Variants in CSMD1 observed in about 807,000 individuals in gnomAD.
The protein encoded by CSMD1 is CUB and sushi domain-containing protein 1.
Under a neutral mutation model 417.5 loss-of-function variants are expected in CSMD1, and 213 were observed. The ratio of observed to expected loss-of-function variants is 0.51; its 90% CI spans 0.46 to 0.57. CSMD1 has a LOEUF of 0.57. CSMD1 is among the 20% of genes least tolerant of loss of function. The probability of loss-of-function intolerance (pLI) is 0.00; values close to 1 mark genes in which losing one functional copy is unlikely to be tolerated. For missense variants in CSMD1, 6,923 were observed against 4,529.7 expected (o/e 1.53, Z -15.17); for synonymous variants, 2,862 against 1,736.8 (o/e 1.65, Z -16.11).
intron 3 of CSMD1, among the ~76,000 whole-genome samples, chr8:4,179,526 T>C (rs62501144): frequency 0.046 from 6,866 of 149,724 alleles, 240 homozygotes; most frequent in Middle Eastern, 0.13. Context: ...GGGCAAAGAC[T>C]TCATGTCTAA....
chr8:3,109,340 T>A (rs1816352466), intron 43 of CSMD1, among the ~76,000 whole-genome samples: 1 of 152,174 alleles, frequency 6.6e-6, no homozygotes, highest in Non-Finnish European at 1.5e-5. Flanking sequence ...TGGAGCTTAA[T>A]CTATGGGGCA....
At chr8:3,268,535 C>A (rs1036185126) in intron 26 of CSMD1, among the ~76,000 whole-genome samples, 1 of 152,018 alleles carries the variant, frequency 6.6e-6, no homozygotes, top group Non-Finnish European at 1.5e-5. Context: ...ATCCGCCCAC[C>A]TCGGCCTCCT....
chr8:4,562,873 C>T (rs906086674), intron 2 of CSMD1, among the ~76,000 whole-genome samples: 4 of 152,046 alleles, frequency 2.6e-5, no homozygotes, highest in Non-Finnish European at 5.9e-5. Flanking sequence ...CCACAAAAAC[C>T]TTAGTAAGTA....
At chr8:4,257,347 G>A (rs1015529279) in intron 3 of CSMD1, among the ~76,000 whole-genome samples, 2 of 151,928 alleles carry the variant, frequency 1.3e-5, no homozygotes, top group Non-Finnish European at 2.9e-5. Context: ...CCATTCAAGG[G>A]TTGAATAATT....
At chr8:4,954,003 T>C (rs1316224057) in intron 1 of CSMD1, among the ~76,000 whole-genome samples, 3 of 152,116 alleles carry the variant, frequency 2.0e-5, no homozygotes, top group African/African-American at 4.8e-5. Context: ...ACAGCAGCAA[T>C]GAAGACGTTA....
At chr8:3,630,161 C>T (rs1584987066) in intron 7 of CSMD1, among the ~76,000 whole-genome samples, 1 of 152,220 alleles carries the variant, frequency 6.6e-6, no homozygotes, top group East Asian at 1.9e-4. Context: ...GAAATATTGA[C>T]TGAATGCCTG....
chr8:4,384,250 T>C lies in CSMD1; in HGVS notation c.415+35703A>G, dbSNP rs554810048. ...AGACAGAAGTGATAAATTACAGACT[T>C]TTTTTTTTGCCATTGCCAACATGGT... On this transcript the variant is annotated intron_variant, in intron 3 of 69. Transcript: ENST00000635120. Among the ~76,000 whole-genome samples, 11 of 150,948 alleles carry C rather than the reference T, an allele frequency of 7.3e-5. No homozygotes were observed. The East Asian group carries it at 1.9e-3, about 27-fold the overall frequency.
At chr8:3,140,225 G>A (rs1025088780) in intron 41 of CSMD1, among the ~76,000 whole-genome samples, 1 of 152,112 alleles carries the variant, frequency 6.6e-6, no homozygotes, top group African/African-American at 2.4e-5. Flanking sequence ...TTAAGTAGGA[G>A]GTACATTCTC....
intron 15 of CSMD1, among the ~76,000 whole-genome samples, chr8:3,405,615 G>A (rs909780389): frequency 0.1 from 19 of 186 alleles, no homozygotes; most frequent in African/African-American, 0.35. Context: ...GCTGGAAGAA[G>A]GGGACCCCCA....
At chr8:4,445,964 G>A (rs556083668) in intron 2 of CSMD1, among the ~76,000 whole-genome samples, 1 of 152,260 alleles carries the variant, frequency 6.6e-6, no homozygotes, top group South Asian at 2.1e-4. Flanking sequence ...TGAGGTAGAC[G>A]AAAGGATAGC....
intron 3 of CSMD1, among the ~76,000 whole-genome samples, chr8:4,307,986 A>G (rs540330261): frequency 5.9e-5 from 9 of 152,154 alleles, no homozygotes; most frequent in Non-Finnish European, 1.3e-4. Context: ...ACAGAGGCTC[A>G]AGGAGGCTGG....
chr8:4,123,369 G>A (rs902193624), intron 3 of CSMD1, among the ~76,000 whole-genome samples: 3 of 152,128 alleles, frequency 2.0e-5, no homozygotes, highest in African/African-American at 7.2e-5. Flanking sequence ...ATCCCATAAC[G>A]TCCTTTATTA....
rs532482656 is a variant in CSMD1, at chr8:3,278,094, T to C, written c.4153+6050A>G. Among the ~76,000 whole-genome samples, 26 of 151,614 alleles carry C rather than the reference T, an allele frequency of 1.7e-4. No individual in the cohort carries two copies. The South Asian group carries it at 5.0e-3, about 29-fold the overall frequency. ...ATCTTTAGAGTTTCAAGGGAAAAAA[T>C]ATATGAATCAGCCAAAGAGCCAATG... is the stretch of plus-strand genomic sequence containing the variant. On this transcript the variant is annotated intron_variant, in intron 26 of 69. Transcript: ENST00000635120.
At chr8:4,710,788 T>A (rs1489063562) in intron 1 of CSMD1, among the ~76,000 whole-genome samples, 2 of 151,616 alleles carry the variant, frequency 1.3e-5, no homozygotes, top group Non-Finnish European at 2.9e-5. Context: ...GAGGATGACA[T>A]GAGCCAAGAT....
chr8:4,512,670 A>G (rs1263821305), intron 2 of CSMD1, among the ~76,000 whole-genome samples: 1 of 152,168 alleles, frequency 6.6e-6, no homozygotes, highest in Non-Finnish European at 1.5e-5. Flanking sequence ...AAAATTAAAT[A>G]TAATAATACC....
chr8:4,214,416 G>C (rs1030758978), intron 3 of CSMD1, among the ~76,000 whole-genome samples: 10 of 152,166 alleles, frequency 6.6e-5, no homozygotes, highest in African/African-American at 1.9e-4. Flanking sequence ...AAATGCCTCA[G>C]GCTTCTAAGT....
chr8:3,049,931 T>G (rs7818487), intron 50 of CSMD1, among the ~76,000 whole-genome samples: 1 of 151,760 alleles, frequency 6.6e-6, no homozygotes, highest in Non-Finnish European at 1.5e-5. Context: ...AAAACTACTC[T>G]CGAGAACAAC....
Position 4,409,841 on chromosome 8 carries a change from T to A in CSMD1, c.415+10112A>T, listed in dbSNP as rs566326359. Among the ~76,000 whole-genome samples the A allele has an allele frequency of 7.2e-5, 11 of 152,080 alleles. No individual in the cohort carries two copies. In the South Asian group the frequency reaches 2.3e-3, roughly 32 times the overall value. On this transcript the variant is annotated intron_variant, in intron 3 of 69. Transcript: ENST00000635120. ...TAGTTTGTTTGTCTTTGAGACAGAG[T>A]CTCACTCTGTTGCCCAGGCTGGAGT...
chr8:3,436,535 A>G (rs1814578453), intron 12 of CSMD1, among the ~76,000 whole-genome samples: 1 of 152,192 alleles, frequency 6.6e-6, no homozygotes. Context: ...TAGTGGCTTT[A>G]ACTATATCAT....
Sources: gnomAD v4.1 joint callset for allele counts (sites outside exome capture counted in the v4.1 genomes callset) on GRCh38, gnomAD v4.1.1 for gene constraint, MANE v1.5 for transcripts, NCBI Gene and HGNC (gene_info 2026-07-23, HGNC 2026-07-21) for gene names.